The following ABCB7 variants were observed in gnomAD, a reference collection of about 807,000 sequenced individuals.
The protein encoded by ABCB7 is iron-sulfur clusters transporter ABCB7, mitochondrial.
In ABCB7, 7 loss-of-function variants were observed where a neutral mutation model predicts 54.4. The ratio of observed to expected loss-of-function variants is 0.13; its 90% confidence interval spans 0.07 to 0.24. The LOEUF (loss-of-function observed/expected upper bound fraction) is 0.24, where lower values mean the gene tolerates loss of function less well. ABCB7 is among the 10% of genes least tolerant of loss of function. ABCB7 has a pLI of 1.00. For missense variants in ABCB7, 356 were observed against 570.4 expected, an observed-to-expected ratio of 0.62 and a Z score of 3.83; for synonymous variants, 218 against 207.1, an observed-to-expected ratio of 1.05 and a Z score of -0.45.
chrX:75,153,366 T>C (rs1003178368), intron 1 of ABCB7, among the ~76,000 whole-genome samples: 6 of 111,778 alleles, frequency 5.4e-5, no homozygotes, highest in African/African-American at 2.0e-4. Context: ...AGTTTCTTCA[T>C]AGGCATCTTA....
rs1005865107 is a variant in ABCB7, at chrX:75,153,443, T to G, written c.168+2662A>C. 4.5e-5 allele frequency among the ~76,000 whole-genome samples: 5 copies of G among 110,589 alleles called. No homozygotes were observed. The Admixed American group carries it at 4.9e-4, about 11-fold the overall frequency. On this transcript the variant is annotated intron_variant, in intron 1 of 15. Transcript: ENST00000373394. Reference sequence around the variant, plus strand: ...GAATAGGAGGATTATTTCCCTAGTGTTGTTATTATATTCCCACTTCAGTTA... The same window carrying G: ...GAATAGGAGGATTATTTCCCTAGTGGTGTTATTATATTCCCACTTCAGTTA...
chrX:75,088,762 AT>A (rs754510585), intron 4 of ABCB7, among the ~76,000 whole-genome samples: 2 of 109,567 alleles, frequency 1.8e-5, no homozygotes, highest in Non-Finnish European at 3.8e-5. Context: ...AAGGCTAAGA[AT>A]TTTCTAAAAT....
intron 1 of ABCB7, among the ~76,000 whole-genome samples, chrX:75,153,777 AT>A (rs1184377980): frequency 1.6e-4 from 6 of 37,954 alleles, no homozygotes; most frequent in East Asian, 1.1e-3. Context: ...TATATATAAA[AT>A]ATATATGTGT....
chrX:75,084,237 C>T (rs1023398146), intron 4 of ABCB7, among the ~76,000 whole-genome samples: 1 of 111,596 alleles, frequency 9.0e-6, no homozygotes. Context: ...TTTTGGATTT[C>T]TGACCTCCAG....
chrX:75,056,866 C>G (rs1171533479), intron 15 of ABCB7, among the ~76,000 whole-genome samples: 1 of 111,721 alleles, frequency 9.0e-6, no homozygotes, highest in Non-Finnish European at 1.9e-5. Flanking sequence ...TACCCCCACA[C>G]TACTACCAAC....
At chrX:75,068,941 T>C in intron 12 of ABCB7, 66 bp downstream of exon 12, 1 of 1,115,758 alleles carries the variant, frequency 9.0e-7, no homozygotes, top group Non-Finnish European at 1.2e-6. Flanking sequence ...ATTCAAACTG[T>C]TCTAGTTACG....
At chrX:75,133,661 G>T (rs888111514) in intron 1 of ABCB7, among the ~76,000 whole-genome samples, 7 of 112,148 alleles carry the variant, frequency 6.2e-5, no homozygotes, top group African/African-American at 2.3e-4. Context: ...AGCCAGAAGA[G>T]ACTGTGGAAC....
intron 4 of ABCB7, among the ~76,000 whole-genome samples, chrX:75,083,417 TAA>T (rs2081472120): frequency 9.0e-6 from 1 of 111,429 alleles, no homozygotes; most frequent in Non-Finnish European, 1.9e-5. Context: ...GCTGATGAAA[TAA>T]ATCAAAGAAA....
At chrX:75,074,083 G>A (rs2081387403) in intron 6 of ABCB7, 127 bp from the exon 7 acceptor site, 4 of 541,832 alleles carry the variant, frequency 7.4e-6, no homozygotes, top group South Asian at 2.7e-5. Context: ...AGTTATGTAC[G>A]TGAATGATGG....
At chrX:75,081,351 A>G (rs2081454177) in intron 4 of ABCB7, among the ~76,000 whole-genome samples, 1 of 111,794 alleles carries the variant, frequency 8.9e-6, no homozygotes, top group African/African-American at 3.2e-5. Context: ...GACTCAGGAA[A>G]TAAATAAAGG....
At position 75,139,852 on chromosome X, in the gene ABCB7, G is replaced by A. The variant is rs1415585751; in HGVS notation, c.168+16253C>T. On this transcript the variant is annotated intron_variant, in intron 1 of 15. Coordinates refer to ENST00000373394, the MANE Select transcript of ABCB7 (RefSeq NM_001271696.3). Reference sequence around the variant, plus strand: ...TCATACAGGCTAGTACAAAAGTTCTGCGTATTTTAATGCATTGTGAAGATG... The same window carrying A: ...TCATACAGGCTAGTACAAAAGTTCTACGTATTTTAATGCATTGTGAAGATG... Among the ~76,000 whole-genome samples the A allele has an allele frequency of 2.7e-5, 3 of 111,536 alleles. No homozygotes were observed. In the Admixed American group the frequency reaches 2.9e-4, roughly 11 times the overall value.
intron 13 of ABCB7, 80 bp downstream of exon 13, chrX:75,064,990 A>C: frequency 9.0e-7 from 1 of 1,105,455 alleles, no homozygotes; most frequent in East Asian, 3.1e-5. Flanking sequence ...CTCTCATTAC[A>C]TTTTCTAAAA....
In ABCB7 at chrX:75,052,096, T is replaced by C. The variant is rs1232094724; in HGVS notation, c.*1274A>G. The C allele has an allele frequency of 8.9e-6, 1 of 111,939 alleles. No homozygotes were observed. The highest frequency in any genetic ancestry group is 2.8e-4 in the East Asian group (1 of 3,587). The allele number at this position is 111,939 out of a possible 1,213,427, so 9.2% of individuals were successfully genotyped here. On this transcript the variant is annotated 3_prime_UTR_variant, in exon 16 of 16. Transcript: ENST00000373394. ...AGATGATAGTTATGGTGCTGCTTAA[T>C]GATGAAGAATATTCTACATAGCGAC...
At chrX:75,078,017 G>A (rs2081424860) in intron 4 of ABCB7, among the ~76,000 whole-genome samples, 1 of 107,605 alleles carries the variant, frequency 9.3e-6, no homozygotes, top group African/African-American at 3.4e-5. Flanking sequence ...GGGTTCAAGC[G>A]ATTCTTCTGC....
At chrX:75,137,195 C>A (rs1477018024) in intron 1 of ABCB7, among the ~76,000 whole-genome samples, 2 of 111,925 alleles carry the variant, frequency 1.8e-5, no homozygotes, top group Non-Finnish European at 3.8e-5. Context: ...ATAAACCAAC[C>A]AACCCCATTA....
chrX:75,120,465 C>T (rs897335085), intron 1 of ABCB7, among the ~76,000 whole-genome samples: 6 of 109,323 alleles, frequency 5.5e-5, no homozygotes, highest in Admixed American at 2.9e-4. Flanking sequence ...AATAATTAGC[C>T]GGGTGTGGTG....
intron 4 of ABCB7, among the ~76,000 whole-genome samples, chrX:75,096,074 T>G (rs1185010337): frequency 8.9e-6 from 1 of 112,356 alleles, no homozygotes. Flanking sequence ...CTTTAACTTG[T>G]CAGCAAAGTA....
chrX:75,071,618 A>G lies in ABCB7; in HGVS notation c.1098T>C (p.Ala366=). The change falls in exon 9 of 16, where the codon GCT becomes GCC. Residue 366 remains alanine, a synonymous_variant. Transcript: ENST00000373394. ...YDGFLKTYET[A]SLKSTSTLAM... ...CCAGAGTAGAGGTACTTTTCAATGA[A>G]GCAGTCTCATACGTCTTCAAAAATC... 8.3e-7 allele frequency: 1 copy of G among 1,208,439 alleles called. No individual in the cohort carries two copies. Among genetic ancestry groups the G allele is most frequent in the Non-Finnish European group, 1.1e-6 (1 of 892,541 alleles).
intron 1 of ABCB7, among the ~76,000 whole-genome samples, chrX:75,117,556 T>C (rs1452615639): frequency 9.0e-6 from 1 of 110,872 alleles, no homozygotes; most frequent in Admixed American, 9.6e-5. Context: ...TTCCTAAGAT[T>C]TAGGGGGTTA....
Sources: gnomAD v4.1 joint callset for allele counts (sites outside exome capture counted in the v4.1 genomes callset) on GRCh38, gnomAD v4.1.1 for gene constraint, MANE v1.5 for transcripts, NCBI Gene and HGNC (gene_info 2026-07-23, HGNC 2026-07-21) for gene names.